STK31: variants seen among roughly 807,000 people sequenced by gnomAD.
The protein encoded by STK31 is serine/threonine-protein kinase 31.
STK31 carries 89 observed loss-of-function variants against 129.7 expected under a neutral mutation model. The observed-to-expected ratio is 0.69, with a 90% CI of 0.58 to 0.82. The LOEUF (loss-of-function observed/expected upper bound fraction) is 0.82. Among genes scored for constraint, STK31 ranks in the 40% least tolerant of loss-of-function variants. The pLI is 0.00. For synonymous variants in STK31, 448 were observed against 395.3 expected (o/e 1.13, Z -1.58); for missense variants, 1,187 against 1,176.4 (o/e 1.01, Z -0.13).
intron 23 of STK31, among the ~76,000 whole-genome samples, chr7:23,819,193 ATTG>A (rs962105901): frequency 6.6e-6 from 1 of 152,236 alleles, no homozygotes; most frequent in Admixed American, 6.5e-5. Context: ...GTAATATTTA[ATTG>A]TTTGCACCTA....
intron 10 of STK31, among the ~76,000 whole-genome samples, chr7:23,756,884 C>G (rs559075653): frequency 6.6e-6 from 1 of 152,032 alleles, no homozygotes. Flanking sequence ...CTGCGGGATT[C>G]GGTTTGTCAG....
intron 10 of STK31, among the ~76,000 whole-genome samples, chr7:23,761,792 G>T (rs7791410): frequency 7.3e-6 from 1 of 137,400 alleles, no homozygotes; most frequent in Admixed American, 7.1e-5. Context: ...ATCTGGTTGA[G>T]CTTATGCAAG....
At chr7:23,761,423 C>CT (rs11326557) in intron 10 of STK31, among the ~76,000 whole-genome samples, 2,140 of 136,826 alleles carry the variant, frequency 0.016, 42 homozygotes, top group African/African-American at 0.052. Flanking sequence ...TGGCCATATG[C>CT]TTTTTTTTTT....
chr7:23,785,955 G>C (rs1207681403), intron 18 of STK31, among the ~76,000 whole-genome samples: 2 of 151,874 alleles, frequency 1.3e-5, no homozygotes, highest in Admixed American at 6.6e-5. Flanking sequence ...TAACAAACCT[G>C]CACGTTGTGC....
In STK31 at chr7:23,789,510, T is replaced by TA. The variant is rs1791492179; in HGVS notation, c.2638-1313dup. ...TTATACTTTGGTCATCTGCAAGTCA[T>TA]AGTGTAATGCTACTGGAGTATATAT... On this transcript the variant is annotated intron_variant, in intron 21 of 23. Transcript: ENST00000355870. 2.0e-5 allele frequency among the ~76,000 whole-genome samples: 3 copies of TA among 152,132 alleles called. No individual in the cohort carries two copies. In the South Asian group the frequency reaches 6.2e-4, roughly 31 times the overall value.
intron 11 of STK31, among the ~76,000 whole-genome samples, chr7:23,766,206 G>A (rs112521399): frequency 6.6e-6 from 1 of 152,088 alleles, no homozygotes; most frequent in Non-Finnish European, 1.5e-5. Context: ...CAAGTTCAAA[G>A]GCCATGTTTC....
chr7:23,805,588 A>T (rs1337469539), intron 22 of STK31, among the ~76,000 whole-genome samples: 1 of 151,912 alleles, frequency 6.6e-6, no homozygotes, highest in Non-Finnish European at 1.5e-5. Flanking sequence ...GGCTCAAGTG[A>T]TCCTCCTGCC....
chr7:23,710,118 G>GCA (rs1167721198), upstream of STK31: 6 of 1,212,222 alleles, frequency 4.9e-6, no homozygotes, highest in African/African-American at 7.4e-5. Context: ...GGCGGCTCCC[G>GCA]CACGCTTCTT....
intron 16 of STK31, among the ~76,000 whole-genome samples, chr7:23,782,471 C>CAAAAAAAAAAAAAAA (rs66962254): frequency 1.4e-4 from 12 of 84,496 alleles, no homozygotes; most frequent in Non-Finnish European, 2.4e-4. Flanking sequence ...GACCCTGTCT[C>CAAAAAAAAAAAAAAA]AAAAAAAAAA....
intron 14 of STK31, chr7:23,771,684 C>G (rs1790203826): frequency 6.5e-6 from 1 of 152,732 alleles, no homozygotes. Flanking sequence ...CCAATTTTTC[C>G]TACCATAAAT....
chr7:23,823,147 T>A (rs1191168639), intron 23 of STK31, among the ~76,000 whole-genome samples: 4 of 152,230 alleles, frequency 2.6e-5, no homozygotes, highest in Non-Finnish European at 4.4e-5. Context: ...GTATTTCTAG[T>A]TCTAGATCCC....
chr7:23,748,778 T>C (rs966793367), intron 8 of STK31, among the ~76,000 whole-genome samples: 15 of 152,246 alleles, frequency 9.9e-5, no homozygotes, highest in African/African-American at 3.6e-4. Flanking sequence ...TACAGAATAC[T>C]TGCTAACTGA....
At chr7:23,776,911 G>A (rs1790587922) in intron 15 of STK31, among the ~76,000 whole-genome samples, 1 of 152,110 alleles carries the variant, frequency 6.6e-6, no homozygotes, top group Admixed American at 6.5e-5. Context: ...TAATTGTGAT[G>A]TTAGGGTGTC....
At chr7:23,752,312 C>T (rs1453479696) in intron 8 of STK31, among the ~76,000 whole-genome samples, 3 of 151,490 alleles carry the variant, frequency 2.0e-5, no homozygotes, top group East Asian at 1.9e-4. Context: ...AAATAAAAAT[C>T]AGCAGCTAGA....
intron 10 of STK31, among the ~76,000 whole-genome samples, chr7:23,762,071 T>TA (rs1789503823): frequency 6.6e-6 from 1 of 151,364 alleles, no homozygotes; most frequent in Non-Finnish European, 1.5e-5. Flanking sequence ...GTAATAGAGA[T>TA]TAAAACTTTT....
chr7:23,723,612 C>G (rs1786863177), intron 4 of STK31, among the ~76,000 whole-genome samples: 1 of 152,104 alleles, frequency 6.6e-6, no homozygotes, highest in African/African-American at 2.4e-5. Flanking sequence ...TATACTTTGT[C>G]AGTTTTCCTT....
chr7:23,725,051 A>G lies in STK31; in HGVS notation c.250-2190A>G, dbSNP rs191612935. ...GCATTTTTAGACCTGTTTTCTCCCT[A>G]ATGGCCTAATGGGCCTTCTCCCCTT... is the stretch of plus-strand genomic sequence containing the variant. On this transcript the variant is annotated intron_variant, in intron 4 of 23. Coordinates refer to ENST00000355870, the MANE Select transcript of STK31 (RefSeq NM_031414.5). 4.6e-5 allele frequency among the ~76,000 whole-genome samples: 7 copies of G among 152,302 alleles called. No individual in the cohort carries two copies. In the East Asian group the frequency reaches 7.7e-4, roughly 17 times the overall value.
At chr7:23,826,099 A>G (rs537262316) in intron 23 of STK31, among the ~76,000 whole-genome samples, 2 of 152,304 alleles carry the variant, frequency 1.3e-5, no homozygotes, top group South Asian at 4.2e-4. Context: ...AGAGTTCTGT[A>G]GATGTCTATT....
chr7:23,711,915 T>C (rs574781395), intron 1 of STK31, among the ~76,000 whole-genome samples, 184 bp from the exon 2 acceptor site: 1 of 149,578 alleles, frequency 6.7e-6, no homozygotes, highest in East Asian at 2.0e-4. Flanking sequence ...AAATTGCATC[T>C]ACTACAAAAT....
Sources: allele counts gnomAD v4.1 joint callset (sites outside exome capture counted in the v4.1 genomes callset), GRCh38; gene constraint gnomAD v4.1.1; transcripts MANE v1.5; gene names NCBI Gene and HGNC (gene_info 2026-07-23, HGNC 2026-07-21).